ADGRL2: variants seen among roughly 807,000 people sequenced by gnomAD.
The protein encoded by ADGRL2 is adhesion G protein-coupled receptor L2, also known as calcium-independent alpha-latrotoxin receptor 2.
In ADGRL2, 44 loss-of-function variants were observed where a neutral mutation model predicts 157.4. The observed-to-expected ratio is 0.28, with a 90% CI of 0.22 to 0.36. The LOEUF is 0.36. Ranked by LOEUF, ADGRL2 falls within the 10% of genes least tolerant of loss-of-function variation. ADGRL2 has a pLI of 1.00. For synonymous variants in ADGRL2, 585 were observed against 624.7 expected (o/e 0.94, Z 0.95); for missense variants, 1,510 against 1,768.9 (o/e 0.85, Z 2.63).
chr1:81,747,476 A>G (rs763415155), intron 1 of ADGRL2, among the ~76,000 whole-genome samples: 9 of 151,544 alleles, frequency 5.9e-5, no homozygotes, highest in Non-Finnish European at 1.2e-4. Context: ...AATTGTTTGT[A>G]TTTTTAGTAG....
chr1:81,350,177 T>G (rs547201633), intron 1 of ADGRL2, among the ~76,000 whole-genome samples: 4 of 152,332 alleles, frequency 2.6e-5, no homozygotes, highest in Admixed American at 6.5e-5. Flanking sequence ...AAAAATACAC[T>G]ATATGATAAA....
At chr1:81,730,135 G>A (rs1487607301) in intron 1 of ADGRL2, among the ~76,000 whole-genome samples, 1 of 151,870 alleles carries the variant, frequency 6.6e-6, no homozygotes, top group African/African-American at 2.4e-5. Context: ...ACTTCTTTCA[G>A]TTAGAAAACC....
At chr1:81,493,706 C>T (rs2078678301) in intron 2 of ADGRL2, among the ~76,000 whole-genome samples, 1 of 152,042 alleles carries the variant, frequency 6.6e-6, no homozygotes, top group Admixed American at 6.6e-5. Context: ...GAAATCAGAA[C>T]ACAAATCAGT....
chr1:81,546,952 T>G (rs1419960383), intron 2 of ADGRL2, among the ~76,000 whole-genome samples: 1 of 152,234 alleles, frequency 6.6e-6, no homozygotes, highest in African/African-American at 2.4e-5. Context: ...ATTCATGTTT[T>G]GTTCACTCAA....
At chr1:81,469,164 A>G (rs1050227249) in intron 2 of ADGRL2, among the ~76,000 whole-genome samples, 2 of 152,140 alleles carry the variant, frequency 1.3e-5, no homozygotes, top group Admixed American at 6.5e-5. Flanking sequence ...TCTGCCCCAC[A>G]CATTCTGATT....
intron 3 of ADGRL2, among the ~76,000 whole-genome samples, chr1:81,666,621 T>C (rs2082756000): frequency 6.6e-6 from 1 of 152,180 alleles, no homozygotes; most frequent in Admixed American, 6.5e-5. Flanking sequence ...AAAATGATAA[T>C]CTGTTTGGCG....
intron 3 of ADGRL2, among the ~76,000 whole-genome samples, chr1:81,910,457 T>C (rs1428646350): frequency 1.3e-5 from 2 of 151,680 alleles, no homozygotes; most frequent in Admixed American, 6.6e-5. Flanking sequence ...TTGGTTAATT[T>C]TGTGTTTTAA....
At chr1:81,799,949 C>G (rs1351081020), upstream of ADGRL2, among the ~76,000 whole-genome samples, 2 of 152,066 alleles carry the variant, frequency 1.3e-5, no homozygotes, top group African/African-American at 2.4e-5. Flanking sequence ...GGCTTTTAAA[C>G]GTTTTTCCAG....
chr1:81,538,851 A>C (rs573736260), intron 2 of ADGRL2, among the ~76,000 whole-genome samples: 2 of 151,808 alleles, frequency 1.3e-5, no homozygotes, highest in East Asian at 3.9e-4. Flanking sequence ...CCAAAAATAC[A>C]AAAAAAATTA....
intron 3 of ADGRL2, among the ~76,000 whole-genome samples, chr1:81,643,882 A>G (rs1401510121): frequency 5.9e-5 from 9 of 152,210 alleles, no homozygotes; most frequent in African/African-American, 2.2e-4. Flanking sequence ...CTGGCAAATT[A>G]TTTTGTGGAT....
At position 81,991,099 on chromosome 1, in the gene ADGRL2, A is replaced by G; in HGVS notation, c.4364A>G (p.Glu1455Gly). 2 of 1,611,642 alleles carry G rather than the reference A, an allele frequency of 1.2e-6. No homozygotes were observed. Among genetic ancestry groups the G allele is most frequent in the Non-Finnish European group, 8.5e-7 (1 of 1,178,538 alleles). Residue 1455 changes from glutamate (E) to glycine (G), a missense_variant, in exon 24 of 24, where the codon GAA becomes GGA. This residue lies in a region of ADGRL2 where 327 missense variants were observed against 310.1 expected (regional missense o/e 1.05). Transcript: ENST00000686636. ...ATTAACAAAGAAGGGTGTATTCCAG[A>G]AGGAGATGTTAGAGAAGGACAAATG... ...IPINKEGCIP[E>G]GDVREGQMQL...
At position 81,619,604 on chromosome 1, in the gene ADGRL2, T is replaced by A. The variant is rs141220115; in HGVS notation, c.-143+38624T>A. 2.8e-4 allele frequency among the ~76,000 whole-genome samples: 19 copies of A among 68,352 alleles called. No individual in the cohort carries two copies. The East Asian group carries it at 8.2e-3, about 29-fold the overall frequency. 44.8% of individuals were successfully genotyped at this position (68,352 alleles called of 152,430 possible). ...CTTACCCAGTCTGGGGTTTAAAGAG[T>A]AATATAATACCATTTTGTGATCCTC... On this transcript the variant is annotated intron_variant, in intron 3 of 24. Transcript: ENST00000370721.
At chr1:81,631,866 C>T (rs2082016743) in intron 3 of ADGRL2, among the ~76,000 whole-genome samples, 1 of 152,052 alleles carries the variant, frequency 6.6e-6, no homozygotes, top group Non-Finnish European at 1.5e-5. Context: ...TGGTAAAGAT[C>T]TGCTAAATTT....
intron 2 of ADGRL2, among the ~76,000 whole-genome samples, chr1:81,497,060 A>T (rs551229316): frequency 6.6e-6 from 1 of 152,312 alleles, no homozygotes; most frequent in East Asian, 1.9e-4. Context: ...AATTTCTGTA[A>T]CCAAATATAA....
chr1:81,516,905 T>C (rs2079190237), intron 2 of ADGRL2, among the ~76,000 whole-genome samples: 1 of 152,080 alleles, frequency 6.6e-6, no homozygotes, highest in Admixed American at 6.5e-5. Flanking sequence ...CTACATGCCA[T>C]CTCGGTGGCG....
intron 1 of ADGRL2, among the ~76,000 whole-genome samples, chr1:81,313,590 C>A (rs766313665): frequency 3.9e-5 from 6 of 152,220 alleles, no homozygotes; most frequent in Non-Finnish European, 8.8e-5. Context: ...GTTTCCAGTA[C>A]CAAAGTTCGA....
chr1:81,893,126 G>A (rs2151461716), intron 2 of ADGRL2, among the ~76,000 whole-genome samples: 1 of 152,242 alleles, frequency 6.6e-6, no homozygotes, highest in South Asian at 2.1e-4. Context: ...CAGGCATGGA[G>A]ATAGGCACAG....
chr1:81,806,590 T>C (rs938997948), intron 1 of ADGRL2, among the ~76,000 whole-genome samples: 1 of 152,046 alleles, frequency 6.6e-6, no homozygotes, highest in Admixed American at 6.5e-5. Flanking sequence ...CTACAAACCA[T>C]AGTAATAAAA....
intron 1 of ADGRL2, among the ~76,000 whole-genome samples, chr1:81,751,742 C>A (rs1056947772): frequency 6.6e-6 from 1 of 151,830 alleles, no homozygotes; most frequent in African/African-American, 2.4e-5. Context: ...AGGAAAATAT[C>A]CTTGTTTGTT....
Sources: gnomAD v4.1 joint callset for allele counts (sites outside exome capture counted in the v4.1 genomes callset) on GRCh38, gnomAD v4.1.1 for gene constraint, gnomAD v4.1.1 regional missense constraint, MANE v1.5 for transcripts, NCBI Gene and HGNC (gene_info 2026-07-23, HGNC 2026-07-21) for gene names.